Variants in HDAC9 observed in about 807,000 individuals in gnomAD.
HDAC9 encodes MEF-2 interacting transcription repressor (MITR) protein.
A neutral mutation model predicts 139.4 loss-of-function variants in HDAC9; 41 were observed. The observed-to-expected ratio is 0.29, with a 90% CI of 0.23 to 0.38. The LOEUF is 0.38. HDAC9 is among the 10% of genes least tolerant of loss of function. The pLI, the probability that HDAC9 is intolerant of heterozygous loss-of-function variation, is 1.00. For missense variants in HDAC9, 1,147 were observed against 1,297.0 expected (o/e 0.88, Z 1.78); for synonymous variants, 517 against 476.2 (o/e 1.09, Z -1.12).
chr7:18,985,077 TTTA>T (rs895937575), intron 25 of HDAC9, among the ~76,000 whole-genome samples: 3 of 152,074 alleles, frequency 2.0e-5, no homozygotes, highest in Non-Finnish European at 4.4e-5. Flanking sequence ...TTTCTATTTA[TTTA>T]TTATTATTAT....
intron 1 of HDAC9, among the ~76,000 whole-genome samples, chr7:18,148,672 C>G (rs1323632216): frequency 2.0e-5 from 3 of 152,090 alleles, no homozygotes; most frequent in African/African-American, 7.2e-5. Flanking sequence ...GTTGGCCAGG[C>G]TGGTCTCGAA....
At chr7:18,459,721 T>C (rs1256528232) in intron 1 of HDAC9, among the ~76,000 whole-genome samples, 2 of 152,166 alleles carry the variant, frequency 1.3e-5, no homozygotes, top group African/African-American at 4.8e-5. Flanking sequence ...CTAAGGATAG[T>C]GTGTCCCCTT....
intron 14 of HDAC9, among the ~76,000 whole-genome samples, chr7:18,753,176 G>A (rs2129149612): frequency 6.6e-6 from 1 of 152,204 alleles, no homozygotes; most frequent in African/African-American, 2.4e-5. Context: ...GCATTAATTA[G>A]ACAATCATAC....
intron 23 of HDAC9, among the ~76,000 whole-genome samples, 179 bp downstream of exon 23, chr7:18,936,121 G>A (rs1478028657): frequency 6.6e-6 from 1 of 152,114 alleles, no homozygotes; most frequent in Admixed American, 6.5e-5. Flanking sequence ...GTTATCCCAG[G>A]TACAGAATCC....
chr7:18,309,014 A>T (rs1418569284), intron 1 of HDAC9, among the ~76,000 whole-genome samples: 1 of 152,194 alleles, frequency 6.6e-6, no homozygotes, highest in Non-Finnish European at 1.5e-5. Context: ...CCTTTGGAGA[A>T]TATATGCAAA....
chr7:18,825,894 A>G (rs1315731806), intron 17 of HDAC9, among the ~76,000 whole-genome samples: 1 of 148,326 alleles, frequency 6.7e-6, no homozygotes, highest in African/African-American at 2.4e-5. Context: ...TATAATATAT[A>G]TAATGTTATA....
chr7:18,471,938 G>A (rs571651668), intron 1 of HDAC9, among the ~76,000 whole-genome samples: 3 of 152,132 alleles, frequency 2.0e-5, no homozygotes, highest in Admixed American at 6.5e-5. Context: ...ATAACTATTT[G>A]TGCTCTGATT....
intron 2 of HDAC9, among the ~76,000 whole-genome samples, chr7:18,581,280 C>T (rs1322415117): frequency 2.0e-5 from 3 of 152,056 alleles, no homozygotes; most frequent in Non-Finnish European, 4.4e-5. Context: ...TGGGATCTTG[C>T]CTGCCACTTT....
intron 25 of HDAC9, among the ~76,000 whole-genome samples, chr7:18,977,520 G>C (rs557217149): frequency 6.6e-6 from 1 of 152,312 alleles, no homozygotes; most frequent in African/African-American, 2.4e-5. Flanking sequence ...AATCTCAGCA[G>C]TTTGGCAGGA....
Position 18,183,011 on chromosome 7 carries a change from A to AT in HDAC9, c.25+20678dup, listed in dbSNP as rs34655659. Among the ~76,000 whole-genome samples the AT allele has an allele frequency of 4.7e-3, 667 of 141,970 alleles. 2 individuals are homozygous for AT. Among genetic ancestry groups the AT allele is most frequent in the African/African-American group, 0.011 (404 of 37,994 alleles). 93.1% of individuals were successfully genotyped at this position (141,970 alleles called of 152,430 possible). On this transcript the variant is annotated intron_variant, in intron 2 of 12. Coordinates refer to the HDAC9 transcript ENST00000417496. Reference sequence around the variant, plus strand: ...ATGGCTGCCAGTCACTTAACATATGATTTTTTTTTTTTTTTTGAGACGGAG... The same window carrying AT: ...ATGGCTGCCAGTCACTTAACATATGATTTTTTTTTTTTTTTTTGAGACGGAG...
At chr7:18,374,087 T>G (rs1364164299) in intron 1 of HDAC9, among the ~76,000 whole-genome samples, 1 of 151,686 alleles carries the variant, frequency 6.6e-6, no homozygotes, top group African/African-American at 2.4e-5. Context: ...ATTGAAAAAA[T>G]GCTTATTCAC....
At chr7:18,159,536 A>G (rs189967685) in intron 1 of HDAC9, among the ~76,000 whole-genome samples, 4 of 151,760 alleles carry the variant, frequency 2.6e-5, no homozygotes, top group Admixed American at 2.0e-4. Context: ...GGTGTGGATC[A>G]GGCTGCTAAT....
At chr7:18,439,724 TG>T (rs1352586845) in intron 1 of HDAC9, among the ~76,000 whole-genome samples, 2 of 152,212 alleles carry the variant, frequency 1.3e-5, no homozygotes, top group Non-Finnish European at 2.9e-5. Context: ...ATGTATAATA[TG>T]TAGAAAGAGT....
At chr7:18,106,904 T>C (rs377447653) in intron 1 of HDAC9, among the ~76,000 whole-genome samples, 2 of 152,214 alleles carry the variant, frequency 1.3e-5, no homozygotes, top group Non-Finnish European at 2.9e-5. Context: ...AGGGGGATTA[T>C]GTAGACTCTT....
chr7:18,664,615 A>T (rs1794254697), intron 11 of HDAC9, among the ~76,000 whole-genome samples: 2 of 151,502 alleles, frequency 1.3e-5, no homozygotes, highest in Non-Finnish European at 1.5e-5. Context: ...AATGCTCCCC[A>T]CCCTTATTTC....
intron 17 of HDAC9, among the ~76,000 whole-genome samples, chr7:18,819,165 A>G (rs1482354976): frequency 6.6e-6 from 1 of 152,174 alleles, no homozygotes; most frequent in Admixed American, 6.5e-5. Flanking sequence ...TTGCAATCCC[A>G]GCTACTCAGG....
intron 1 of HDAC9, among the ~76,000 whole-genome samples, chr7:18,340,960 C>T (rs1309530880): frequency 6.6e-6 from 1 of 150,538 alleles, no homozygotes; most frequent in East Asian, 1.9e-4. Context: ...TTTCCATTTT[C>T]TGTAAGATAT....
At chr7:18,918,445 T>A (rs529667855) in intron 22 of HDAC9, among the ~76,000 whole-genome samples, 36 of 152,152 alleles carry the variant, frequency 2.4e-4, no homozygotes, top group African/African-American at 8.7e-4. Context: ...AGAGTATTAT[T>A]CTAGAAATAT....
chr7:18,151,714 A>G (rs887651807), intron 1 of HDAC9: 2 of 152,186 alleles, frequency 1.3e-5, no homozygotes, highest in Non-Finnish European at 2.9e-5. Flanking sequence ...AAATTCCACT[A>G]TCTCCTTGGG....
Sources: gnomAD v4.1 joint callset for allele counts (sites outside exome capture counted in the v4.1 genomes callset) on GRCh38, gnomAD v4.1.1 for gene constraint, MANE v1.5 for transcripts, NCBI Gene and HGNC (gene_info 2026-07-23, HGNC 2026-07-21) for gene names.